Variants in SLC4A5 observed in about 807,000 individuals in gnomAD.
The protein encoded by SLC4A5 is electrogenic sodium bicarbonate cotransporter 4.
A neutral mutation model predicts 120.4 loss-of-function variants in SLC4A5; 96 were observed. The observed-to-expected ratio is 0.80, with a 90% confidence interval of 0.68 to 0.94. The LOEUF is 0.94. SLC4A5 is among the 40% of genes least tolerant of loss of function. The pLI, the probability that SLC4A5 is intolerant of heterozygous loss-of-function variation, is 0.00. For synonymous variants in SLC4A5, 550 were observed against 571.1 expected, an observed-to-expected ratio of 0.96 and a Z score of 0.53; for missense variants, 1,259 against 1,459.5, an observed-to-expected ratio of 0.86 and a Z score of 2.24.
chr2:74,248,308 C>A (rs756001085), intron 18 of SLC4A5, 45 bp downstream of exon 18: 1 of 1,607,218 alleles, frequency 6.2e-7, no homozygotes, highest in South Asian at 1.1e-5. Flanking sequence ...AGCATACTGC[C>A]CCAAATGCGA....
intron 7 of SLC4A5, among the ~76,000 whole-genome samples, chr2:74,293,450 T>C (rs886906003): frequency 1.3e-5 from 2 of 152,210 alleles, no homozygotes; most frequent in Admixed American, 6.5e-5. Flanking sequence ...GAATGGTTCA[T>C]TGGACACCTG....
rs888159136 is a variant in SLC4A5, at chr2:74,224,788, A to G, written c.3246+52T>C. 6 of 1,578,096 alleles carry G rather than the reference A, an allele frequency of 3.8e-6. No homozygotes were observed. In the African/African-American group the frequency reaches 8.2e-5, roughly 22 times the overall value. ...CTCTCCCTGTCCCTGGCAAAAGTGG[A>G]GAGAAGGTCTCTCAATTTCTCCTCT... On this transcript the variant is annotated intron_variant, in intron 28 of 30. Transcript: ENST00000394019.
chr2:74,235,115 G>T, exon 22 of SLC4A5: 1 of 1,613,906 alleles, frequency 6.2e-7, no homozygotes, highest in Non-Finnish European at 8.5e-7. Context: ...ATGACACTGG[G>T]CACATGCAGC....
chr2:74,221,259 G>T (rs575941564), intron 30 of SLC4A5, among the ~76,000 whole-genome samples, 175 bp downstream of exon 30: 3 of 152,356 alleles, frequency 2.0e-5, no homozygotes, highest in African/African-American at 7.2e-5. Flanking sequence ...AGACATACTT[G>T]TTTCTTGGCC....
chr2:74,253,844 A>G (rs1488341083), intron 14 of SLC4A5, among the ~76,000 whole-genome samples: 2 of 152,218 alleles, frequency 1.3e-5, no homozygotes, highest in Non-Finnish European at 2.9e-5. Context: ...GAATGATGTT[A>G]GCATCACTCG....
At chr2:74,276,220 C>G (rs1350160153) in intron 8 of SLC4A5, among the ~76,000 whole-genome samples, 1 of 152,102 alleles carries the variant, frequency 6.6e-6, no homozygotes, top group Non-Finnish European at 1.5e-5. Context: ...ATCATCTGTG[C>G]ACAAAAAGCC....
At chr2:74,234,655 G>T (rs138338492) in intron 22 of SLC4A5, among the ~76,000 whole-genome samples, 219 of 152,338 alleles carry the variant, frequency 1.4e-3, no homozygotes, top group African/African-American at 5.2e-3. Flanking sequence ...GATTCCACAG[G>T]TGGGGCCGAG....
intron 5 of SLC4A5, among the ~76,000 whole-genome samples, chr2:74,315,877 A>G (rs1362719546): frequency 6.6e-6 from 1 of 152,078 alleles, no homozygotes; most frequent in Non-Finnish European, 1.5e-5. Flanking sequence ...GACATAAAAT[A>G]TAGTTGAGAA....
chr2:74,329,587 TCAAACAAACAAA>T (rs139635951), intron 4 of SLC4A5, among the ~76,000 whole-genome samples: 11 of 150,872 alleles, frequency 7.3e-5, no homozygotes, highest in African/African-American at 2.7e-4. Context: ...AGGCTCCATC[TCAAACAAACAAA>T]CAAACAAACA....
chr2:74,222,131 G>A (rs575043649), intron 29 of SLC4A5, among the ~76,000 whole-genome samples: 1 of 152,250 alleles, frequency 6.6e-6, no homozygotes, highest in African/African-American at 2.4e-5. Flanking sequence ...TATAACCCAA[G>A]TGCTATGCTA....
At chr2:74,261,378 G>A (rs1026236769) in intron 11 of SLC4A5, among the ~76,000 whole-genome samples, 5 of 152,222 alleles carry the variant, frequency 3.3e-5, no homozygotes, top group African/African-American at 1.2e-4. Flanking sequence ...GAAGACTGCA[G>A]CAAATGCCTG....
At chr2:74,329,289 T>C (rs1034069786) in intron 4 of SLC4A5, among the ~76,000 whole-genome samples, 1 of 120,118 alleles carries the variant, frequency 8.3e-6, no homozygotes, top group African/African-American at 3.2e-5. Context: ...TAATGAAATG[T>C]AGATAAAGAT....
At chr2:74,309,606 G>T (rs1446509732) in intron 6 of SLC4A5, among the ~76,000 whole-genome samples, 1 of 151,958 alleles carries the variant, frequency 6.6e-6, no homozygotes, top group East Asian at 1.9e-4. Context: ...TATAGATCAA[G>T]TTGGGGAGAA....
chr2:74,296,867 G>A (rs577063903), intron 7 of SLC4A5, among the ~76,000 whole-genome samples: 21 of 151,492 alleles, frequency 1.4e-4, no homozygotes, highest in Non-Finnish European at 2.6e-4. Flanking sequence ...ACTCCTTAGT[G>A]CAGGAGATGT....
chr2:74,226,874 G>A, intron 27 of SLC4A5, 83 bp downstream of exon 27: 1 of 1,476,732 alleles, frequency 6.8e-7, no homozygotes, highest in African/African-American at 1.4e-5. Context: ...GGCAGAAGGT[G>A]GCAGGAGGGG....
At chr2:74,233,851 A>G (rs1475143657) in intron 22 of SLC4A5, among the ~76,000 whole-genome samples, 1 of 152,206 alleles carries the variant, frequency 6.6e-6, no homozygotes, top group African/African-American at 2.4e-5. Flanking sequence ...GCCAGGAGAG[A>G]GAGCACAGTC....
intron 25 of SLC4A5, among the ~76,000 whole-genome samples, chr2:74,229,104 C>CTTTTTTTTTTTTTTTTTTTTTT: frequency 1.0e-5 from 1 of 98,590 alleles, no homozygotes; most frequent in Non-Finnish European, 1.8e-5. Context: ...TAGATTTGAG[C>CTTTTTTTTTTTTTTTTTTTTTT]TTTTTTTTTT....
chr2:74,331,775 C>T (rs1425707032), intron 4 of SLC4A5, among the ~76,000 whole-genome samples: 1 of 152,078 alleles, frequency 6.6e-6, no homozygotes, highest in African/African-American at 2.4e-5. Flanking sequence ...GAGAAAAGTA[C>T]TCTCCACTTA....
Position 74,341,151 on chromosome 2 carries a change from A to T in SLC4A5, c.-270+1307T>A, listed in dbSNP as rs373632485. Among the ~76,000 whole-genome samples the T allele has an allele frequency of 3.3e-5, 5 of 152,056 alleles. No individual in the cohort carries two copies. In the East Asian group the frequency reaches 9.6e-4, roughly 29 times the overall value. Reference sequence around the variant, plus strand: ...GAAACCCCATCTCTACTAAAAATACAAAAATTAGTTGGGCGTGGTGGTGGG... The same window carrying T: ...GAAACCCCATCTCTACTAAAAATACTAAAATTAGTTGGGCGTGGTGGTGGG... On this transcript the variant is annotated intron_variant, in intron 2 of 30. Coordinates refer to ENST00000394019, the Ensembl canonical transcript of SLC4A5.
Sources: allele counts gnomAD v4.1 joint callset (sites outside exome capture counted in the v4.1 genomes callset), GRCh38; gene constraint gnomAD v4.1.1; transcripts MANE v1.5; gene names NCBI Gene and HGNC (gene_info 2026-07-23, HGNC 2026-07-21).